Variants in CHRM2 observed in about 807,000 individuals in gnomAD.
CHRM2 encodes cholinergic receptor muscarinic 2.
In CHRM2, 8 loss-of-function variants were observed where a neutral mutation model predicts 25.0. The ratio of observed to expected loss-of-function variants is 0.32; its 90% CI spans 0.19 to 0.58. The LOEUF (loss-of-function observed/expected upper bound fraction) is 0.58, where lower values mean the gene tolerates loss of function less well. CHRM2 is among the 20% of genes least tolerant of loss of function. CHRM2 has a pLI of 0.88. For missense variants in CHRM2, 440 were observed against 567.1 expected, an observed-to-expected ratio of 0.78 and a Z score of 2.28; for synonymous variants, 202 against 205.7, an observed-to-expected ratio of 0.98 and a Z score of 0.15.
chr7:136,983,123 G>T (rs1393640889), intron 2 of CHRM2, among the ~76,000 whole-genome samples: 1 of 152,044 alleles, frequency 6.6e-6, no homozygotes. Context: ...CATATTTCTT[G>T]GAGGCTTTAT....
At chr7:136,979,136 C>T (rs1176506086) in intron 2 of CHRM2, among the ~76,000 whole-genome samples, 2 of 152,110 alleles carry the variant, frequency 1.3e-5, no homozygotes, top group Non-Finnish European at 2.9e-5. Flanking sequence ...TTTTAATGAT[C>T]ACCATTCTAG....
At chr7:136,993,349 G>A (rs1459021793) in intron 3 of CHRM2, among the ~76,000 whole-genome samples, 1 of 152,188 alleles carries the variant, frequency 6.6e-6, no homozygotes, top group Non-Finnish European at 1.5e-5. Flanking sequence ...TCTCTTACTA[G>A]CTGGCACATA....
chr7:136,936,276 C>T (rs1363639262), intron 2 of CHRM2, among the ~76,000 whole-genome samples: 4 of 152,098 alleles, frequency 2.6e-5, no homozygotes, highest in Admixed American at 6.6e-5. Context: ...AAAGCCTTTG[C>T]CTCTGATATA....
chr7:136,971,521 G>A (rs1801766664), intron 2 of CHRM2, among the ~76,000 whole-genome samples: 1 of 151,702 alleles, frequency 6.6e-6, no homozygotes, highest in African/African-American at 2.4e-5. Flanking sequence ...GGAGACTGAG[G>A]TGGGAGAATG....
chr7:136,985,873 C>T (rs555860958), intron 2 of CHRM2, among the ~76,000 whole-genome samples: 1 of 152,150 alleles, frequency 6.6e-6, no homozygotes, highest in Non-Finnish European at 1.5e-5. Context: ...ATTCATTTGG[C>T]AAAGATCAGC....
intron 2 of CHRM2, among the ~76,000 whole-genome samples, chr7:136,879,226 C>T (rs1283129333): frequency 6.6e-6 from 1 of 151,934 alleles, no homozygotes; most frequent in East Asian, 1.9e-4. Flanking sequence ...ATATATGTTG[C>T]AACATTTCTG....
At chr7:136,893,344 C>A (rs1796768954) in intron 2 of CHRM2, among the ~76,000 whole-genome samples, 3 of 152,120 alleles carry the variant, frequency 2.0e-5, no homozygotes. Context: ...TATGCCCTAG[C>A]AAATCTGGAA....
At chr7:137,008,162 C>A (rs1289107385) in intron 3 of CHRM2, among the ~76,000 whole-genome samples, 2 of 151,962 alleles carry the variant, frequency 1.3e-5, no homozygotes, top group African/African-American at 4.8e-5. Context: ...GAATAAGCTT[C>A]ATTTGCTTTC....
chr7:136,965,705 A>G (rs905064981), intron 2 of CHRM2, among the ~76,000 whole-genome samples: 2 of 152,110 alleles, frequency 1.3e-5, no homozygotes, highest in Non-Finnish European at 2.9e-5. Context: ...ATCACAGTGC[A>G]GTCCTCTAAA....
chr7:136,924,350 T>C, intron 2 of CHRM2, among the ~76,000 whole-genome samples: 1 of 149,602 alleles, frequency 6.7e-6, no homozygotes, highest in East Asian at 2.0e-4. Flanking sequence ...CTCCAAATGC[T>C]ATCCCTCCCC....
In CHRM2 at chr7:137,005,093, A is replaced by G. The variant is rs559769719; in HGVS notation, c.-46-9727A>G. On this transcript the variant is annotated intron_variant, in intron 3 of 3. Transcript: ENST00000680005. ...GCTAGAAGAACCAAGATTTAGCTAT[A>G]TGGGGGTGAACTGGTTTCTCTGTAC... 1.4e-3 allele frequency among the ~76,000 whole-genome samples: 213 copies of G among 152,164 alleles called. 1 individual carries two copies. The highest frequency in any genetic ancestry group is 4.9e-3 in the African/African-American group (203 of 41,536).
intron 2 of CHRM2, among the ~76,000 whole-genome samples, chr7:136,960,978 A>G (rs1022993362): frequency 1.3e-5 from 2 of 152,146 alleles, no homozygotes; most frequent in African/African-American, 4.8e-5. Flanking sequence ...ATACAAAAAA[A>G]TTAGCCAGGC....
intron 2 of CHRM2, chr7:136,903,006 T>C (rs1304127207): frequency 2.2e-6 from 1 of 451,550 alleles, no homozygotes; most frequent in African/African-American, 2.0e-5. Flanking sequence ...CTGGAAAGTA[T>C]ACATTATGGC....
intron 2 of CHRM2, among the ~76,000 whole-genome samples, chr7:136,966,733 C>CTA (rs920689683): frequency 5.3e-5 from 8 of 150,500 alleles, no homozygotes; most frequent in African/African-American, 1.7e-4. Flanking sequence ...TTACATAGTA[C>CTA]TATATATATC....
At position 136,896,796 on chromosome 7, in the gene CHRM2, G is replaced by A. The variant is rs187084596; in HGVS notation, c.-125+27378G>A. Among the ~76,000 whole-genome samples, 9 of 152,138 alleles carry A rather than the reference G, an allele frequency of 5.9e-5. No individual in the cohort carries two copies. In the East Asian group the frequency reaches 1.7e-3, roughly 29 times the overall value. On this transcript the variant is annotated intron_variant, in intron 2 of 3. Coordinates refer to ENST00000680005, the MANE Select transcript of CHRM2 (RefSeq NM_001006630.2). Reference sequence around the variant, plus strand: ...AAGGGTGGTGGAGATGTGGCTGCAGGCATTGGCAATGACATATTCTTGAAA... The same window carrying A: ...AAGGGTGGTGGAGATGTGGCTGCAGACATTGGCAATGACATATTCTTGAAA...
At chr7:136,967,236 C>T (rs1449534267) in intron 2 of CHRM2, among the ~76,000 whole-genome samples, 1 of 151,874 alleles carries the variant, frequency 6.6e-6, no homozygotes, top group Non-Finnish European at 1.5e-5. Context: ...CAATTTTATC[C>T]AGAGAAGATT....
At chr7:136,908,974 T>C (rs1320424374) in intron 2 of CHRM2, among the ~76,000 whole-genome samples, 1 of 151,968 alleles carries the variant, frequency 6.6e-6, no homozygotes, top group African/African-American at 2.4e-5. Context: ...GGGAGATTTT[T>C]ACATTCCTTT....
At chr7:136,948,333 T>C (rs867261390) in intron 2 of CHRM2, among the ~76,000 whole-genome samples, 2 of 152,110 alleles carry the variant, frequency 1.3e-5, no homozygotes, top group South Asian at 2.1e-4. Flanking sequence ...GAAAACTAAA[T>C]TGAAGTCATA....
chr7:136,914,914 G>C (rs1329505370), intron 2 of CHRM2, among the ~76,000 whole-genome samples: 1 of 151,828 alleles, frequency 6.6e-6, no homozygotes, highest in Admixed American at 6.6e-5. Flanking sequence ...CATAAGAAGG[G>C]CATTGGTTCT....
Sources: gnomAD v4.1 joint callset for allele counts (sites outside exome capture counted in the v4.1 genomes callset) on GRCh38, gnomAD v4.1.1 for gene constraint, MANE v1.5 for transcripts, NCBI Gene and HGNC (gene_info 2026-07-23, HGNC 2026-07-21) for gene names.